PLA2G4A: variants seen among roughly 807,000 people sequenced by gnomAD.
PLA2G4A encodes cytosolic phospholipase A2.
A neutral mutation model predicts 81.9 loss-of-function variants in PLA2G4A; 40 were observed. The observed-to-expected ratio is 0.49, with a 90% CI of 0.38 to 0.64. The LOEUF is 0.64. Among genes scored for constraint, PLA2G4A ranks in the 30% least tolerant of loss-of-function variants. PLA2G4A has a pLI of 0.00. For synonymous variants in PLA2G4A, 302 were observed against 296.9 expected, an observed-to-expected ratio of 1.02 and a Z score of -0.18; for missense variants, 715 against 905.1, an observed-to-expected ratio of 0.79 and a Z score of 2.69.
chr1:186,955,856 C>T (rs1163450712), intron 13 of PLA2G4A, among the ~76,000 whole-genome samples: 3 of 150,812 alleles, frequency 2.0e-5, no homozygotes, highest in African/African-American at 7.3e-5. Flanking sequence ...GCCTCAGCCT[C>T]CCGAGTAGCT....
rs1652177234 is a variant in PLA2G4A at position 186,846,444 on chromosome 1, AT to A, written c.-69-7838del. 2.6e-5 allele frequency among the ~76,000 whole-genome samples: 4 copies of A among 152,176 alleles called. No homozygotes were observed. In the South Asian group the frequency reaches 8.3e-4, roughly 31 times the overall value. ...GTATTACATTTTTAAAATAAACTTT[AT>A]TTTGAAATAATTTAAGATAAGAAAT... is the stretch of plus-strand genomic sequence containing the variant. On this transcript the variant is annotated intron_variant, in intron 1 of 17. Transcript: ENST00000367466.
intron 1 of PLA2G4A, among the ~76,000 whole-genome samples, chr1:186,853,755 G>C (rs1248508056): frequency 6.6e-6 from 1 of 151,806 alleles, no homozygotes; most frequent in Non-Finnish European, 1.5e-5. Flanking sequence ...TTATTTAACT[G>C]CTTCCAAATT....
intron 1 of PLA2G4A, among the ~76,000 whole-genome samples, chr1:186,834,442 A>G (rs1467550564): frequency 6.6e-6 from 1 of 151,976 alleles, no homozygotes; most frequent in Non-Finnish European, 1.5e-5. Flanking sequence ...ATGTTTAAAT[A>G]TATTGGTTTA....
intron 13 of PLA2G4A, among the ~76,000 whole-genome samples, chr1:186,950,973 G>T (rs191253211): frequency 4.6e-5 from 7 of 152,144 alleles, no homozygotes; most frequent in African/African-American, 1.7e-4. Context: ...CAAATGAACA[G>T]ATCCAAGATG....
At chr1:186,950,306 T>C (rs1656511024) in intron 12 of PLA2G4A, among the ~76,000 whole-genome samples, 1 of 152,178 alleles carries the variant, frequency 6.6e-6, no homozygotes, top group Non-Finnish European at 1.5e-5. Context: ...TAAACACCAC[T>C]TAAAAATATC....
At chr1:186,941,460 G>A (rs1051772023) in intron 10 of PLA2G4A, among the ~76,000 whole-genome samples, 4 of 152,110 alleles carry the variant, frequency 2.6e-5, no homozygotes, top group African/African-American at 7.2e-5. Flanking sequence ...GGTTCAGAAC[G>A]CACTTATCAC....
chr1:186,985,932 G>A (rs1370536031), intron 17 of PLA2G4A, among the ~76,000 whole-genome samples: 2 of 152,202 alleles, frequency 1.3e-5, no homozygotes, highest in Admixed American at 6.5e-5. Context: ...AATATATGTA[G>A]TTGTATCATG....
chr1:186,920,411 C>T (rs561802802), intron 7 of PLA2G4A, among the ~76,000 whole-genome samples: 5 of 152,246 alleles, frequency 3.3e-5, no homozygotes, highest in African/African-American at 7.2e-5. Context: ...TCAAAGGGGG[C>T]GACTGGGGTG....
chr1:186,935,297 G>T (rs1370969486), intron 8 of PLA2G4A, among the ~76,000 whole-genome samples: 3 of 151,734 alleles, frequency 2.0e-5, no homozygotes, highest in Non-Finnish European at 2.9e-5. Context: ...CAAAAAATAG[G>T]CATATGAACC....
intron 15 of PLA2G4A, among the ~76,000 whole-genome samples, chr1:186,972,493 A>G (rs1211222942): frequency 2.0e-5 from 3 of 152,292 alleles, no homozygotes; most frequent in African/African-American, 4.8e-5. Flanking sequence ...AGCAAGGAAT[A>G]TAGAAGAATT....
intron 13 of PLA2G4A, among the ~76,000 whole-genome samples, chr1:186,952,456 GT>G (rs1656593087): frequency 6.6e-6 from 1 of 152,064 alleles, no homozygotes; most frequent in African/African-American, 2.4e-5. Context: ...AAAGTACAGA[GT>G]TCCCATATGT....
chr1:186,937,731 A>G, intron 8 of PLA2G4A, among the ~76,000 whole-genome samples: 1 of 76,478 alleles, frequency 1.3e-5, no homozygotes, highest in South Asian at 3.8e-4. Flanking sequence ...ATAATAGACT[A>G]AAAAAAAAAT....
At chr1:186,905,149 C>T (rs1054811241) in intron 5 of PLA2G4A, among the ~76,000 whole-genome samples, 1 of 152,132 alleles carries the variant, frequency 6.6e-6, no homozygotes. Context: ...GCCACCACAC[C>T]CAGCCAAACA....
intron 15 of PLA2G4A, among the ~76,000 whole-genome samples, chr1:186,968,919 T>C (rs1657236467): frequency 1.3e-5 from 2 of 150,606 alleles, no homozygotes; most frequent in Non-Finnish European, 3.0e-5. Context: ...ATTTATACAA[T>C]ATGATGGGGA....
intron 17 of PLA2G4A, among the ~76,000 whole-genome samples, chr1:186,981,321 C>A (rs940965201): frequency 2.0e-5 from 3 of 152,062 alleles, no homozygotes; most frequent in African/African-American, 7.2e-5. Context: ...TCTTGCTGTT[C>A]TAGTTTATAT....
chr1:186,979,486 A>G lies in PLA2G4A; in HGVS notation c.2118+14A>G, dbSNP rs769318027. 2.6e-6 allele frequency: 4 copies of G among 1,517,962 alleles called. No individual in the cohort carries two copies. Among genetic ancestry groups the G allele is most frequent in the Non-Finnish European group, 3.7e-6 (4 of 1,092,308 alleles). The allele number at this position is 1,517,962 out of a possible 1,614,324, so 94.0% of individuals were successfully genotyped here. A position where few individuals can be genotyped will look rare whatever the true frequency, so the allele number is the denominator to read the frequency against. The stretch of plus-strand genomic sequence containing the variant: ...AACAACATTGATGTAAGTATCTCCT[A>G]TGGCCATTGACTATGTCAAATGACT... On this transcript the variant is annotated intron_variant, in intron 17 of 17. Transcript: ENST00000367466.
intron 7 of PLA2G4A, among the ~76,000 whole-genome samples, chr1:186,920,354 G>A (rs1484297209): frequency 2.6e-5 from 4 of 152,192 alleles, no homozygotes; most frequent in South Asian, 4.1e-4. Context: ...CAGGTCCGTG[G>A]TAGGCAGAAA....
intron 1 of PLA2G4A, among the ~76,000 whole-genome samples, chr1:186,841,143 G>T (rs1418899506): frequency 6.6e-6 from 1 of 152,126 alleles, no homozygotes; most frequent in African/African-American, 2.4e-5. Flanking sequence ...TTTCATAATG[G>T]TCTGTGTGGG....
At chr1:186,957,513 T>C (rs1656796546) in intron 14 of PLA2G4A, among the ~76,000 whole-genome samples, 1 of 152,236 alleles carries the variant, frequency 6.6e-6, no homozygotes, top group Non-Finnish European at 1.5e-5. Flanking sequence ...TGACTGTTTC[T>C]CTTTGGCAGA....
Sources: allele counts gnomAD v4.1 joint callset (sites outside exome capture counted in the v4.1 genomes callset), GRCh38; gene constraint gnomAD v4.1.1; transcripts MANE v1.5; gene names NCBI Gene and HGNC (gene_info 2026-07-23, HGNC 2026-07-21).